The following HFM1 variants were observed in gnomAD, a reference collection of about 807,000 sequenced individuals.
HFM1 encodes the protein helicase for meiosis 1, also known as probable ATP-dependent DNA helicase HFM1.
A neutral mutation model predicts 192.1 loss-of-function variants in HFM1; 169 were observed. That is an observed-to-expected ratio of 0.88 (90% CI 0.78 to 1.00). The LOEUF is 1.00. Among genes scored for constraint, HFM1 ranks in the 50% least tolerant of loss-of-function variants. HFM1 has a pLI of 0.00. For missense variants in HFM1, 1,661 were observed against 1,668.0 expected (o/e 1.00, Z 0.07); for synonymous variants, 525 against 537.8 (o/e 0.98, Z 0.33).
intron 23 of HFM1, among the ~76,000 whole-genome samples, chr1:91,319,960 C>T (rs1651839281): frequency 6.6e-6 from 1 of 152,132 alleles, no homozygotes; most frequent in Non-Finnish European, 1.5e-5. Context: ...TGCTGGGCTA[C>T]TAAATTTGAG....
chr1:91,293,639 G>T (rs967635436), intron 30 of HFM1, among the ~76,000 whole-genome samples: 20 of 151,450 alleles, frequency 1.3e-4, no homozygotes, highest in African/African-American at 4.8e-4. Context: ...AAGTCAGTGT[G>T]GCGATTCCTC....
chr1:91,313,668 T>C (rs182361615), intron 29 of HFM1, among the ~76,000 whole-genome samples, 173 bp from the exon 30 acceptor site: 1 of 152,046 alleles, frequency 6.6e-6, no homozygotes, highest in East Asian at 1.9e-4. Context: ...AATTATATAT[T>C]TATCATTATA....
At chr1:91,352,376 C>A (rs1012395501) in intron 16 of HFM1, 130 bp downstream of exon 16, 1 of 599,864 alleles carries the variant, frequency 1.7e-6, no homozygotes. Context: ...TATTCCTCCA[C>A]TAAAGGTAAA....
chr1:91,344,105 C>T (rs1474496286), intron 19 of HFM1, among the ~76,000 whole-genome samples: 5 of 152,286 alleles, frequency 3.3e-5, no homozygotes, highest in Admixed American at 6.5e-5. Context: ...TTAACTGATG[C>T]TTTTAGGTGT....
At chr1:91,329,356 G>C in intron 20 of HFM1, 1 of 1,600,100 alleles carries the variant, frequency 6.2e-7, no homozygotes. Context: ...GGGGTCAAGA[G>C]GCTGAGTAAG....
intron 19 of HFM1, among the ~76,000 whole-genome samples, chr1:91,347,060 G>A (rs900003720): frequency 6.6e-6 from 1 of 152,056 alleles, no homozygotes; most frequent in African/African-American, 2.4e-5. Context: ...AATGAGCTAT[G>A]ATCACGCCAC....
At chr1:91,324,622 A>T (rs1652608828) in intron 21 of HFM1, 53 bp downstream of exon 21, 6 of 811,990 alleles carry the variant, frequency 7.4e-6, no homozygotes, top group Non-Finnish European at 1.0e-5. Flanking sequence ...TTTCTCAAAT[A>T]TTATTTTATA....
intron 30 of HFM1, among the ~76,000 whole-genome samples, chr1:91,299,150 T>A (rs533419703): frequency 4.5e-4 from 69 of 152,200 alleles, no homozygotes; most frequent in Non-Finnish European, 6.5e-4. Flanking sequence ...TAGTCTCTGA[T>A]AAAACAGACT....
At chr1:91,275,059 A>G (rs538354599) in intron 32 of HFM1, among the ~76,000 whole-genome samples, 3 of 145,572 alleles carry the variant, frequency 2.1e-5, no homozygotes, top group Non-Finnish European at 4.5e-5. Context: ...ATCTCAGCTC[A>G]CTGCAACCTC....
chr1:91,328,907 G>T, intron 20 of HFM1: 1 of 1,611,050 alleles, frequency 6.2e-7, no homozygotes. Flanking sequence ...CTATCCTGTG[G>T]CTACCGAGGA....
intron 13 of HFM1, among the ~76,000 whole-genome samples, chr1:91,374,180 C>T (rs1660614187): frequency 6.6e-6 from 1 of 152,080 alleles, no homozygotes; most frequent in African/African-American, 2.4e-5. Context: ...TCACAGAACA[C>T]AGAGGCTAAT....
Position 91,368,392 on chromosome 1 carries a change from T to G in HFM1, c.1685+6966A>C, listed in dbSNP as rs182823584. On this transcript the variant is annotated intron_variant, in intron 13 of 38. Coordinates refer to ENST00000370425, the MANE Select transcript of HFM1 (RefSeq NM_001017975.6). ...AAGGGAAACCCAACAGACTAACAGC[T>G]GATCTCTCGGCAGAAACTCTACAAA... Among the ~76,000 whole-genome samples the G allele has an allele frequency of 5.3e-5, 8 of 152,290 alleles. No homozygotes were observed. In the East Asian group the frequency reaches 1.4e-3, roughly 26 times the overall value.
chr1:91,278,610 C>T (rs1201162438), intron 30 of HFM1, among the ~76,000 whole-genome samples: 2 of 152,144 alleles, frequency 1.3e-5, no homozygotes, highest in African/African-American at 4.8e-5. Context: ...TTTTCGGTAC[C>T]ATTGTTCAGT....
In HFM1 at chr1:91,379,118, G is replaced by A. The variant is rs776504049; in HGVS notation, c.1103C>T (p.Thr368Ile). The change falls in exon 9 of 39, where the codon ACA (threonine) becomes ATA (isoleucine). Residue 368 changes from threonine (T) to isoleucine (I), a missense_variant. Physicochemically the swap from Thr to Ile is moderately conservative, Grantham distance 89. Coordinates refer to ENST00000370425, the MANE Select transcript of HFM1 (RefSeq NM_001017975.6). ...AATCTCAAATAGATCATCCATTACT[G>A]TATCTCCAGTAAGTTCTTTACAATT... Reference protein sequence around the residue: ...GLNCKELTGDTVMDDLFEIQH... With the variant: ...GLNCKELTGDIVMDDLFEIQH... 7.7e-5 allele frequency: 124 copies of A among 1,604,458 alleles called. No individual in the cohort carries two copies. The highest frequency in any genetic ancestry group is 1.0e-4 in the Non-Finnish European group (121 of 1,173,862).
At chr1:91,298,471 A>G (rs1648073329) in intron 30 of HFM1, among the ~76,000 whole-genome samples, 1 of 151,310 alleles carries the variant, frequency 6.6e-6, no homozygotes, top group South Asian at 2.1e-4. Context: ...GAGCAACTCC[A>G]AGACACAAAG....
chr1:91,281,048 C>A (rs1667416196), intron 30 of HFM1, among the ~76,000 whole-genome samples: 1 of 152,110 alleles, frequency 6.6e-6, no homozygotes. Context: ...GAAGAGGGGG[C>A]ACAATCAGAT....
intron 28 of HFM1, among the ~76,000 whole-genome samples, chr1:91,314,764 T>A (rs1052458015): frequency 2.0e-5 from 3 of 152,204 alleles, no homozygotes; most frequent in African/African-American, 7.2e-5. Context: ...CCAGCAACCA[T>A]TTTTATGACT....
chr1:91,334,814 A>C (rs567452881), intron 20 of HFM1, among the ~76,000 whole-genome samples: 210 of 152,062 alleles, frequency 1.4e-3, no homozygotes, highest in Non-Finnish European at 2.3e-3. Context: ...CTGTAGTCCC[A>C]GCTACTCAGG....
intron 3 of HFM1, among the ~76,000 whole-genome samples, chr1:91,395,974 G>A (rs1481653904): frequency 2.0e-5 from 3 of 151,292 alleles, no homozygotes; most frequent in East Asian, 3.9e-4. Context: ...TCAGCCTCCC[G>A]AGTAGCTGGG....
Sources: gnomAD v4.1 joint callset for allele counts (sites outside exome capture counted in the v4.1 genomes callset) on GRCh38, gnomAD v4.1.1 for gene constraint, MANE v1.5 for transcripts, NCBI Gene and HGNC (gene_info 2026-07-23, HGNC 2026-07-21) for gene names.